UNC13C: variants seen among roughly 807,000 people sequenced by gnomAD.
UNC13C encodes the protein unc-13 homolog C.
In UNC13C, 174 loss-of-function variants were observed where a neutral mutation model predicts 245.4. That is an observed-to-expected ratio of 0.71 (90% confidence interval 0.63 to 0.80). UNC13C has a LOEUF of 0.80. Among genes scored for constraint, UNC13C ranks in the 30% least tolerant of loss-of-function variants. UNC13C has a pLI of 0.00. For synonymous variants in UNC13C, 992 were observed against 895.1 expected, an observed-to-expected ratio of 1.11 and a Z score of -1.93; for missense variants, 2,829 against 2,602.9, an observed-to-expected ratio of 1.09 and a Z score of -1.89.
At chr15:54,500,767 A>G in intron 21 of UNC13C, 68 bp from the exon 22 acceptor site, 1 of 1,367,888 alleles carries the variant, frequency 7.3e-7, no homozygotes, top group Non-Finnish European at 1.0e-6. Context: ...TTGATGGGAA[A>G]CAGTGAAGAT....
At chr15:54,211,266 A>C (rs1456699214) in intron 4 of UNC13C, among the ~76,000 whole-genome samples, 1 of 152,136 alleles carries the variant, frequency 6.6e-6, no homozygotes, top group African/African-American at 2.4e-5. Context: ...ATATTTCTAT[A>C]AATGTTATGT....
intron 4 of UNC13C, among the ~76,000 whole-genome samples, chr15:54,187,955 G>A (rs1395913562): frequency 2.0e-5 from 3 of 151,880 alleles, no homozygotes; most frequent in African/African-American, 7.3e-5. Flanking sequence ...GATTGCAGGC[G>A]CCCACCACCC....
At chr15:54,473,217 TA>T (rs908840524) in intron 19 of UNC13C, among the ~76,000 whole-genome samples, 12 of 133,778 alleles carry the variant, frequency 9.0e-5, no homozygotes, top group East Asian at 5.4e-4. Context: ...TATTTTATTT[TA>T]TTTTATTTTA....
chr15:54,567,939 C>G lies in UNC13C; in HGVS notation c.6098C>G (p.Thr2033Ser), dbSNP rs895897620. 1.9e-6 allele frequency: 3 copies of G among 1,568,236 alleles called. No homozygotes were observed. The South Asian group carries it at 3.6e-5, about 19-fold the overall frequency. ...ALIKKFIDTQ[T>S]SQSRSSKDAV... is the part of the protein sequence containing the mutation. ...ATAAAGAAATTCATAGATACTCAAA[C>G]CTCACAGAGTAAGTAACACATAGGA... The change falls in exon 30 of 33, where the codon ACC becomes AGC. Residue 2033 changes from threonine (T) to serine (S), a missense_variant. Coordinates refer to ENST00000260323, the MANE Select transcript of UNC13C (RefSeq NM_001080534.3).
At chr15:54,397,069 T>C (rs1366135142) in intron 18 of UNC13C, among the ~76,000 whole-genome samples, 12 of 151,460 alleles carry the variant, frequency 7.9e-5, no homozygotes. Context: ...GTTTCTTTTA[T>C]AGTTTAAGCT....
the UNC13C span, among the ~76,000 whole-genome samples, chr15:53,862,710 C>T: frequency 6.6e-6 from 1 of 152,138 alleles, no homozygotes; most frequent in Admixed American, 6.6e-5. Flanking sequence ...CTGCCACACT[C>T]ACGTTGGGGA....
chr15:54,461,928 T>C (rs1891866739), intron 19 of UNC13C, among the ~76,000 whole-genome samples: 1 of 152,192 alleles, frequency 6.6e-6, no homozygotes, highest in African/African-American at 2.4e-5. Context: ...GAAGCAAAGA[T>C]AGTGAAATGC....
chr15:53,942,095 AC>A, the UNC13C span, among the ~76,000 whole-genome samples: 1 of 152,230 alleles, frequency 6.6e-6, no homozygotes, highest in Non-Finnish European at 1.5e-5. Context: ...TTATAAAGAT[AC>A]ATGCACATGT....
intron 17 of UNC13C, among the ~76,000 whole-genome samples, chr15:54,360,594 A>C (rs893217691): frequency 7.9e-5 from 12 of 152,058 alleles, no homozygotes; most frequent in Non-Finnish European, 1.6e-4. Flanking sequence ...GTTTTATCTG[A>C]TATAAGCAAA....
intron 17 of UNC13C, among the ~76,000 whole-genome samples, chr15:54,351,865 G>T (rs988328957): frequency 6.6e-6 from 1 of 151,894 alleles, no homozygotes; most frequent in African/African-American, 2.4e-5. Context: ...AAATCACTCA[G>T]TAGCCACTGT....
chr15:54,133,995 T>C (rs2031583535), intron 2 of UNC13C, among the ~76,000 whole-genome samples: 1 of 152,118 alleles, frequency 6.6e-6, no homozygotes, highest in East Asian at 1.9e-4. Context: ...ATATACATTG[T>C]GAAATGATTA....
chr15:54,140,113 T>C (rs1288352888), intron 2 of UNC13C, among the ~76,000 whole-genome samples: 1 of 152,160 alleles, frequency 6.6e-6, no homozygotes, highest in Non-Finnish European at 1.5e-5. Flanking sequence ...TCATAGTGCT[T>C]CTTTTACAAA....
chr15:53,959,435 A>G, the UNC13C span, among the ~76,000 whole-genome samples: 1 of 152,064 alleles, frequency 6.6e-6, no homozygotes, highest in East Asian at 1.9e-4. Context: ...TCCTTTCTCC[A>G]TATCCTCACC....
At chr15:54,479,205 G>T (rs1892959847) in intron 19 of UNC13C, among the ~76,000 whole-genome samples, 1 of 151,424 alleles carries the variant, frequency 6.6e-6, no homozygotes. Context: ...ATTTTATGGG[G>T]GTCTCTCTCT....
chr15:54,348,329 T>A (rs2038906324), intron 17 of UNC13C, among the ~76,000 whole-genome samples: 1 of 152,158 alleles, frequency 6.6e-6, no homozygotes, highest in Admixed American at 6.5e-5. Flanking sequence ...TCTTGTACCA[T>A]GTGGACAGAA....
At chr15:54,079,580 A>C (rs1381395513) in intron 2 of UNC13C, among the ~76,000 whole-genome samples, 2 of 151,982 alleles carry the variant, frequency 1.3e-5, no homozygotes, top group African/African-American at 4.8e-5. Flanking sequence ...GCTATTATAA[A>C]TGGGATTGAG....
At chr15:54,125,416 C>T (rs7165451) in intron 2 of UNC13C, among the ~76,000 whole-genome samples, 88,107 of 151,824 alleles carry the variant, frequency 0.58, 25,912 homozygotes, top group African/African-American at 0.66. Context: ...TGAACTGAGA[C>T]TGCGCCACTG....
chr15:54,089,062 T>G (rs1899412901), intron 2 of UNC13C, among the ~76,000 whole-genome samples: 1 of 152,122 alleles, frequency 6.6e-6, no homozygotes, highest in Non-Finnish European at 1.5e-5. Context: ...TTAGCGTCCC[T>G]TTTCCACCCT....
chr15:54,413,144 A>G (rs1031657461), intron 18 of UNC13C, among the ~76,000 whole-genome samples: 1 of 151,996 alleles, frequency 6.6e-6, no homozygotes, highest in African/African-American at 2.4e-5. Context: ...TGTATTGTTC[A>G]TTTTATATAT....
Sources: allele counts gnomAD v4.1 joint callset (sites outside exome capture counted in the v4.1 genomes callset), GRCh38; gene constraint gnomAD v4.1.1; transcripts MANE v1.5; gene names NCBI Gene and HGNC (gene_info 2026-07-23, HGNC 2026-07-21).